The following PLOD3 variants were observed in gnomAD, a reference collection of about 807,000 sequenced individuals.
PLOD3 encodes the protein procollagen-lysine,2-oxoglutarate 5-dioxygenase 3.
Under a neutral mutation model 96.9 loss-of-function variants are expected in PLOD3, and 73 were observed. That is an observed-to-expected ratio of 0.75 (90% CI 0.62 to 0.92). PLOD3 has a LOEUF of 0.92. Ranked by LOEUF, PLOD3 falls within the 40% of genes least tolerant of loss-of-function variation. The probability of loss-of-function intolerance (pLI) is 0.00; values close to 1 mark genes in which losing one functional copy is unlikely to be tolerated. For synonymous variants in PLOD3, 454 were observed against 413.7 expected, an observed-to-expected ratio of 1.10 and a Z score of -1.18; for missense variants, 1,004 against 1,004.3, an observed-to-expected ratio of 1.00 and a Z score of 0.00.
At chr7:101,216,599 A>G in intron 2 of PLOD3, 53 bp from the exon 3 acceptor site, 1 of 1,611,908 alleles carries the variant, frequency 6.2e-7, no homozygotes. Flanking sequence ...TGTGGGGGGA[A>G]CTCCTGACCA....
chr7:101,210,612 T>C lies in PLOD3; in HGVS notation c.1420A>G (p.Met474Val), dbSNP rs1026852275. 1 of 1,614,164 alleles carries C rather than the reference T, an allele frequency of 6.2e-7. No individual in the cohort carries two copies. Among genetic ancestry groups the C allele is most frequent in the East Asian group, 2.2e-5 (1 of 44,884 alleles). The change falls in exon 13 of 19, where the codon ATG becomes GTG. Residue 474 changes from methionine (M) to valine (V), a missense_variant. Met to Val is a conservative substitution (Grantham distance 21). This residue lies in a region of PLOD3 where 690 missense variants were observed against 650.2 expected (regional missense o/e 1.06). Coordinates refer to ENST00000223127, the MANE Select transcript of PLOD3 (RefSeq NM_001084.5). ...AYVIRGDTLR[M>V]ELPQRDVFSG... ...AACACATCCCTCTGGGGCAGCTCCA[T>C]CCGCAGGGTATCACCCCGGATCACA...
Position 101,206,923 on chromosome 7 carries a change from G to A in PLOD3, c.1936-19C>T. The A allele has an allele frequency of 6.4e-7, 1 of 1,553,910 alleles. No homozygotes were observed. Among genetic ancestry groups the A allele is most frequent in the South Asian group, 1.2e-5 (1 of 84,250 alleles). On this transcript the variant is annotated intron_variant, in intron 17 of 18. Coordinates refer to ENST00000223127, the MANE Select transcript of PLOD3 (RefSeq NM_001084.5). The stretch of plus-strand genomic sequence containing the variant: ...CCCGCGCCTGGGGGAGAGGAGGGAA[G>A]AGGCTGCAGGGACAGCTGCGGGCGC...
At position 101,206,252 on chromosome 7, in the gene PLOD3, C is replaced by A; in HGVS notation, c.*29G>T. 1 of 1,612,938 alleles carries A rather than the reference C, an allele frequency of 6.2e-7. No individual in the cohort carries two copies. The highest frequency in any genetic ancestry group is 8.5e-7 in the Non-Finnish European group (1 of 1,179,220). Reference sequence around the variant, plus strand: ...CAGGCCCCCTAAAAAGGCACAATGGCAGGGCAGGTTTGGCAGAGTGGTTGA... The same window carrying A: ...CAGGCCCCCTAAAAAGGCACAATGGAAGGGCAGGTTTGGCAGAGTGGTTGA... On this transcript the variant is annotated 3_prime_UTR_variant, in exon 19 of 19. Transcript: ENST00000223127.
At chr7:101,214,096 G>A (rs1382211619) in intron 6 of PLOD3, among the ~76,000 whole-genome samples, 1 of 150,724 alleles carries the variant, frequency 6.6e-6, no homozygotes, top group African/African-American at 2.4e-5. Context: ...GCCTTCCAAA[G>A]TGCTGGGATT....
intron 16 of PLOD3, 102 bp downstream of exon 16, chr7:101,208,751 G>A (rs1798131084): frequency 8.9e-6 from 7 of 788,902 alleles, no homozygotes; most frequent in African/African-American, 1.7e-5. Flanking sequence ...TCCCCCCTGG[G>A]AACCCCTCTT....
intron 14 of PLOD3, 49 bp from the exon 15 acceptor site, chr7:101,210,210 G>A: frequency 6.6e-7 from 1 of 1,509,826 alleles, no homozygotes; most frequent in Middle Eastern, 1.7e-4. Flanking sequence ...CTCGCTCCCA[G>A]CCCCCAGGGG....
At position 101,212,321 on chromosome 7, in the gene PLOD3, G is replaced by A. The variant is rs1377362104; in HGVS notation, c.1059C>T (p.His353=). ...GCCCCACGAGCTTCACAGCTGAGAA[G>A]TGGTCCTGGAGCTGCGGCCAGGAGT... ...IADSWPQLQD[H]FSAVKLVGPE... The change falls in exon 10 of 19, where the codon CAC becomes CAT. Residue 353 remains histidine, a synonymous_variant. Coordinates refer to ENST00000223127, the MANE Select transcript of PLOD3 (RefSeq NM_001084.5). The A allele has an allele frequency of 1.2e-6, 2 of 1,613,980 alleles. No homozygotes were observed. The highest frequency in any genetic ancestry group is 1.1e-5 in the South Asian group (1 of 91,074).
At chr7:101,211,348 A>AT (rs999675939) in intron 12 of PLOD3, 13 of 495,936 alleles carry the variant, frequency 2.6e-5, no homozygotes, top group Non-Finnish European at 4.7e-5. Flanking sequence ...CCCAGCTAAT[A>AT]TTTTAAGTTT....
chr7:101,210,278 C>T, intron 14 of PLOD3, 53 bp downstream of exon 14: 1 of 1,546,054 alleles, frequency 6.5e-7, no homozygotes, highest in Non-Finnish European at 8.9e-7. Context: ...TTGGTGTCTT[C>T]CTTAGCACAA....
chr7:101,207,319 G>A (rs996387212), intron 17 of PLOD3, among the ~76,000 whole-genome samples: 1 of 152,032 alleles, frequency 6.6e-6, no homozygotes, highest in African/African-American at 2.4e-5. Flanking sequence ...TGTCCAGGGA[G>A]GGGAGGGGAG....
rs112423650 is a variant in PLOD3 at position 101,212,154 on chromosome 7, G to A, written c.1127+99C>T. 481 of 1,491,612 alleles carry A rather than the reference G, an allele frequency of 3.2e-4. 4 individuals carry two copies. The African/African-American group carries it at 5.1e-3, about 16-fold the overall frequency. The allele number at this position is 1,491,612 out of a possible 1,614,324, so 92.4% of individuals were successfully genotyped here. On this transcript the variant is annotated intron_variant, in intron 10 of 18. Transcript: ENST00000223127. ...CGAATGGGGAGGCCCAGGAGGGGCT[G>A]GATGGGTGACAGGTGAGGCAAGGGC...
intron 18 of PLOD3, 57 bp from the exon 19 acceptor site, chr7:101,206,493 G>A: frequency 6.6e-7 from 1 of 1,516,642 alleles, no homozygotes; most frequent in East Asian, 2.4e-5. Flanking sequence ...CTGGGGAGCA[G>A]GCAGATACAC....
chr7:101,212,202 C>T, intron 10 of PLOD3, 51 bp downstream of exon 10: 1 of 1,604,540 alleles, frequency 6.2e-7, no homozygotes, highest in East Asian at 2.2e-5. Context: ...GGCAGCACCC[C>T]TGACCCTACA....
intron 17 of PLOD3, 41 bp from the exon 18 acceptor site, chr7:101,206,945 G>T (rs201126532): frequency 6.5e-7 from 1 of 1,547,396 alleles, no homozygotes; most frequent in African/African-American, 1.4e-5. Context: ...ACAGCTGCGG[G>T]CGCAGGGGGT....
At chr7:101,210,710 GC>G (rs764421828) in intron 12 of PLOD3, 37 bp from the exon 13 acceptor site, 1 of 1,611,314 alleles carries the variant, frequency 6.2e-7, no homozygotes, top group Non-Finnish European at 8.5e-7. Context: ...TGGGAGGACA[GC>G]CCCCCAAATT....
At chr7:101,206,526 G>C (rs1353188737) in intron 18 of PLOD3, 90 bp from the exon 19 acceptor site, 2 of 1,237,030 alleles carry the variant, frequency 1.6e-6, no homozygotes, top group Non-Finnish European at 2.3e-6. Context: ...CCAGACCGGG[G>C]GGCACGGTGC....
chr7:101,206,972 T>G (rs1469942428), intron 17 of PLOD3, 68 bp from the exon 18 acceptor site: 2 of 1,505,826 alleles, frequency 1.3e-6, no homozygotes, highest in East Asian at 2.5e-5. Context: ...TTTTGTATTA[T>G]TATTATTCTT....
At position 101,212,364 on chromosome 7, in the gene PLOD3, T is replaced by C. The variant is rs1562893827; in HGVS notation, c.1016A>G (p.His339Arg). The stretch of plus-strand genomic sequence containing the variant: ...CCAGGAGTCAGCGATGTGGGGTTCA[T>C]GGAAGACCTCCTGGGAGGGGAAGAC... ...TLFLHNNEVF[H>R]EPHIADSWPQ... Residue 339 changes from histidine (H) to arginine (R), a missense_variant, in exon 10 of 19, where the codon CAT (histidine) becomes CGT (arginine). His to Arg is a conservative substitution (Grantham distance 29). Transcript: ENST00000223127. 1.9e-6 allele frequency: 3 copies of C among 1,612,894 alleles called. No homozygotes were observed. Among genetic ancestry groups the C allele is most frequent in the South Asian group, 1.1e-5 (1 of 91,038 alleles).
At chr7:101,209,742 T>C (rs1798151917) in intron 15 of PLOD3, 1 of 225,394 alleles carries the variant, frequency 4.4e-6, no homozygotes, top group South Asian at 1.1e-4. Context: ...ATTCTCGCTA[T>C]GTTGCCCAGG....
Sources: allele counts gnomAD v4.1 joint callset (sites outside exome capture counted in the v4.1 genomes callset), GRCh38; gene constraint gnomAD v4.1.1; regional missense constraint gnomAD v4.1.1; transcripts MANE v1.5; gene names NCBI Gene and HGNC (gene_info 2026-07-23, HGNC 2026-07-21).